Variants in SEMA3C observed in about 807,000 individuals in gnomAD.
SEMA3C encodes semaphorin-3C.
Under a neutral mutation model 89.4 loss-of-function variants are expected in SEMA3C, and 47 were observed. That is an observed-to-expected ratio of 0.53 (90% CI 0.42 to 0.67). The LOEUF is 0.67. SEMA3C is among the 30% of genes least tolerant of loss of function. The probability of loss-of-function intolerance (pLI) is 0.00; values close to 1 mark genes in which losing one functional copy is unlikely to be tolerated. For missense variants in SEMA3C, 839 were observed against 929.1 expected, an observed-to-expected ratio of 0.90 and a Z score of 1.26; for synonymous variants, 310 against 320.2, an observed-to-expected ratio of 0.97 and a Z score of 0.34.
intron 15 of SEMA3C, 88 bp from the exon 16 acceptor site, chr7:80,751,424 C>T (rs1787933131): frequency 1.7e-6 from 2 of 1,173,004 alleles, no homozygotes; most frequent in Non-Finnish European, 2.5e-6. Flanking sequence ...AAACTTTGCA[C>T]CCTTTTTATT....
At chr7:80,785,491 C>G (rs548444127) in intron 12 of SEMA3C, among the ~76,000 whole-genome samples, 1 of 152,138 alleles carries the variant, frequency 6.6e-6, no homozygotes, top group African/African-American at 2.4e-5. Context: ...CCTGGAAACA[C>G]CCAAGAAATG....
At chr7:80,891,654 A>C (rs553512407) in intron 2 of SEMA3C, among the ~76,000 whole-genome samples, 1 of 152,290 alleles carries the variant, frequency 6.6e-6, no homozygotes, top group Admixed American at 6.5e-5. Flanking sequence ...TTTTTAAAAA[A>C]GAAAAATGCA....
At chr7:80,768,856 T>C (rs1429748655) in intron 12 of SEMA3C, among the ~76,000 whole-genome samples, 1 of 152,156 alleles carries the variant, frequency 6.6e-6, no homozygotes, top group Non-Finnish European at 1.5e-5. Flanking sequence ...TGAATATTTG[T>C]TGAATTAATT....
At chr7:80,794,508 T>C (rs893108866) in intron 11 of SEMA3C, among the ~76,000 whole-genome samples, 1 of 152,130 alleles carries the variant, frequency 6.6e-6, no homozygotes, top group Non-Finnish European at 1.5e-5. Flanking sequence ...AAGACGTATG[T>C]AATCAACAAA....
intron 6 of SEMA3C, among the ~76,000 whole-genome samples, chr7:80,809,788 A>G (rs1467720010): frequency 6.6e-6 from 1 of 152,192 alleles, no homozygotes; most frequent in Non-Finnish European, 1.5e-5. Flanking sequence ...AAAAAGAATG[A>G]AATTTTGTCA....
chr7:80,822,347 C>G (rs1789769432), intron 4 of SEMA3C, among the ~76,000 whole-genome samples: 1 of 146,416 alleles, frequency 6.8e-6, no homozygotes, highest in Non-Finnish European at 1.5e-5. Flanking sequence ...GAGATTTTCA[C>G]AGGCAAAAGC....
intron 5 of SEMA3C, among the ~76,000 whole-genome samples, chr7:80,811,532 C>T (rs1789469601): frequency 6.6e-6 from 1 of 151,200 alleles, no homozygotes; most frequent in Non-Finnish European, 1.5e-5. Flanking sequence ...TAGTACAAGC[C>T]CCCTACCAAA....
chr7:80,904,029 C>T (rs1196641268), intron 2 of SEMA3C, among the ~76,000 whole-genome samples: 1 of 151,974 alleles, frequency 6.6e-6, no homozygotes, highest in African/African-American at 2.4e-5. Flanking sequence ...GATGATGTAA[C>T]CTAAAGGCCT....
At chr7:80,834,113 A>C (rs1165981008) in intron 2 of SEMA3C, among the ~76,000 whole-genome samples, 1 of 152,106 alleles carries the variant, frequency 6.6e-6, no homozygotes, top group African/African-American at 2.4e-5. Flanking sequence ...ACTCTGGCTG[A>C]GAGTATGTAG....
chr7:80,818,705 A>T (rs1273405808), intron 4 of SEMA3C, among the ~76,000 whole-genome samples: 1 of 152,224 alleles, frequency 6.6e-6, no homozygotes, highest in East Asian at 1.9e-4. Flanking sequence ...TAAAAAGTTT[A>T]CGAATTTGTG....
In SEMA3C at chr7:80,804,615, T is replaced by G. The variant is rs1408186814; in HGVS notation, c.659-367A>C. Among the ~76,000 whole-genome samples, 3 of 152,144 alleles carry G rather than the reference T, an allele frequency of 2.0e-5. No homozygotes were observed. In the East Asian group the frequency reaches 5.8e-4, roughly 29 times the overall value. ...TAAACTCAAATTTGTTGAAGCAGAATGAGGAGTTGGAAGTCCAAACTCTGA... is the reference window on the plus strand; with the variant it reads ...TAAACTCAAATTTGTTGAAGCAGAAGGAGGAGTTGGAAGTCCAAACTCTGA... On this transcript the variant is annotated intron_variant, in intron 7 of 17. Transcript: ENST00000265361.
chr7:80,919,055 T>C (rs755333013), upstream of SEMA3C: 25 of 985,072 alleles, frequency 2.5e-5, no homozygotes, highest in African/African-American at 3.5e-5. Context: ...TCGGAGTGAA[T>C]GGAAAGTGGC....
At chr7:80,876,519 T>C (rs960761574) in intron 2 of SEMA3C, among the ~76,000 whole-genome samples, 25 of 152,278 alleles carry the variant, frequency 1.6e-4, no homozygotes, top group Middle Eastern at 3.4e-3. Flanking sequence ...CATCTATCAA[T>C]TGGAACTAAT....
chr7:80,846,350 G>C (rs189989899), intron 2 of SEMA3C, among the ~76,000 whole-genome samples: 1 of 151,876 alleles, frequency 6.6e-6, no homozygotes, highest in Non-Finnish European at 1.5e-5. Context: ...CTAACTTTTC[G>C]TTGTTTGTAT....
At chr7:80,869,088 C>A (rs1396830756) in intron 2 of SEMA3C, among the ~76,000 whole-genome samples, 1 of 152,140 alleles carries the variant, frequency 6.6e-6, no homozygotes, top group African/African-American at 2.4e-5. Context: ...ATTTTAACTA[C>A]AATGAGGATT....
At chr7:80,805,006 C>A (rs554693286) in intron 7 of SEMA3C, among the ~76,000 whole-genome samples, 4 of 151,992 alleles carry the variant, frequency 2.6e-5, no homozygotes, top group Non-Finnish European at 2.9e-5. Context: ...TAAACAACAG[C>A]AATTGATTGG....
chr7:80,810,568 T>C (rs1018038715), intron 6 of SEMA3C, 43 bp downstream of exon 6: 1 of 1,500,704 alleles, frequency 6.7e-7, no homozygotes, highest in African/African-American at 1.4e-5. Context: ...TAATTTTCCA[T>C]GTTATTTTAT....
At chr7:80,747,157 G>T (rs6467371) in intron 17 of SEMA3C, among the ~76,000 whole-genome samples, 142,897 of 152,074 alleles carry the variant, frequency 0.94, 67,835 homozygotes, top group East Asian at 1. Context: ...CTAATGTTAT[G>T]CCACTATTAA....
At chr7:80,750,037 A>C (rs1390023393) in intron 16 of SEMA3C, among the ~76,000 whole-genome samples, 3 of 152,162 alleles carry the variant, frequency 2.0e-5, no homozygotes, top group Non-Finnish European at 4.4e-5. Context: ...AATCTGTCTT[A>C]ATTTGCTCTT....
Sources: gnomAD v4.1 joint callset for allele counts (sites outside exome capture counted in the v4.1 genomes callset) on GRCh38, gnomAD v4.1.1 for gene constraint, MANE v1.5 for transcripts, NCBI Gene and HGNC (gene_info 2026-07-23, HGNC 2026-07-21) for gene names.